The following SCIN variants were observed in gnomAD, a reference collection of about 807,000 sequenced individuals.
SCIN encodes scinderin.
A neutral mutation model predicts 91.8 loss-of-function variants in SCIN; 91 were observed. The observed-to-expected ratio is 0.99, with a 90% confidence interval of 0.84 to 1.18. SCIN has a LOEUF of 1.18. SCIN is among the 50% of genes most tolerant of loss of function. SCIN has a pLI of 0.00. For missense variants in SCIN, 1,087 were observed against 863.9 expected, an observed-to-expected ratio of 1.26 and a Z score of -3.24; for synonymous variants, 367 against 312.6, an observed-to-expected ratio of 1.17 and a Z score of -1.84.
chr7:12,646,775 A>C (rs1783974186), intron 13 of SCIN, among the ~76,000 whole-genome samples: 1 of 152,196 alleles, frequency 6.6e-6, no homozygotes, highest in Admixed American at 6.5e-5. Flanking sequence ...CAGGAAAGAA[A>C]ATTTCCCACG....
At chr7:12,580,914 T>C (rs1782474119) in intron 2 of SCIN, 146 bp from the exon 3 acceptor site, 2 of 658,714 alleles carry the variant, frequency 3.0e-6, no homozygotes, top group Admixed American at 3.0e-5. Flanking sequence ...TCTTGTTTTA[T>C]GGAATAGGTG....
chr7:12,593,926 A>G (rs1324042985), intron 3 of SCIN, among the ~76,000 whole-genome samples: 3 of 152,236 alleles, frequency 2.0e-5, no homozygotes, highest in Non-Finnish European at 4.4e-5. Flanking sequence ...GATCATGCCA[A>G]GTGAGTTCAT....
At position 12,578,103 on chromosome 7, in the gene SCIN, T is replaced by C. The variant is rs1453727399; in HGVS notation, c.239T>C (p.Ile80Thr). 9 of 1,548,274 alleles carry C rather than the reference T, an allele frequency of 5.8e-6. No individual in the cohort carries two copies. The highest frequency in any genetic ancestry group is 7.0e-6 in the Non-Finnish European group (8 of 1,145,354). ...CAGGATGAAAGCACAGCTGCTGCCA[T>C]CTTCACTGTTCAGATGGATGACTAT... ...CSQDESTAAA[I>T]FTVQMDDYLG... The change falls in exon 2 of 16, where the codon ATC (isoleucine) becomes ACC (threonine). Residue 80 changes from isoleucine (I) to threonine (T), a missense_variant. Ile to Thr is a moderately conservative substitution (Grantham distance 89, BLOSUM62 -1). Coordinates refer to ENST00000297029, the MANE Select transcript of SCIN (RefSeq NM_001112706.3).
intron 3 of SCIN, among the ~76,000 whole-genome samples, chr7:12,583,144 A>G (rs1423162975): frequency 6.6e-6 from 1 of 152,150 alleles, no homozygotes; most frequent in Non-Finnish European, 1.5e-5. Flanking sequence ...ATATAATGTA[A>G]TTGCTATGTA....
Position 12,655,365 on chromosome 7 carries a change from G to C in SCIN, c.*2650G>C, listed in dbSNP as rs1002259204. 1 of 152,068 alleles carries C rather than the reference G, an allele frequency of 6.6e-6. No homozygotes were observed. Among genetic ancestry groups the C allele is most frequent in the African/African-American group, 2.4e-5 (1 of 41,418 alleles). 9.4% of individuals were successfully genotyped at this position (152,068 alleles called of 1,614,324 possible). A position where few individuals can be genotyped will look rare whatever the true frequency, so the allele number is the denominator to read the frequency against. ...TTAATATGTAATACATACAGCTAATGTTATAGCTACTTAAGGAATTCCTTT... is the reference window on the plus strand; with the variant it reads ...TTAATATGTAATACATACAGCTAATCTTATAGCTACTTAAGGAATTCCTTT... On this transcript the variant is annotated 3_prime_UTR_variant, in exon 16 of 16. Coordinates refer to ENST00000297029, the MANE Select transcript of SCIN (RefSeq NM_001112706.3).
intron 4 of SCIN, among the ~76,000 whole-genome samples, chr7:12,605,495 A>T (rs1783062014): frequency 6.6e-6 from 1 of 152,232 alleles, no homozygotes. Flanking sequence ...GTATATACAA[A>T]ATGATATATC....
intron 4 of SCIN, among the ~76,000 whole-genome samples, chr7:12,612,008 T>C (rs74454100): frequency 0.02 from 3,090 of 152,308 alleles, 52 homozygotes; most frequent in Non-Finnish European, 0.033. Context: ...TATTTTTCTG[T>C]TGCCCTCCTA....
rs144248090 is a variant in SCIN, at chr7:12,652,924, G to A, written c.*209G>A. On this transcript the variant is annotated 3_prime_UTR_variant, in exon 16 of 16. Transcript: ENST00000297029. ...TCGAGACCAGCCTGGCCAACATGGC[G>A]AAACCTCGCCTCTACTAAAAATACA... 1,557 of 493,068 alleles carry A rather than the reference G, an allele frequency of 3.2e-3. 24 individuals are homozygous for A. Among genetic ancestry groups the A allele is most frequent in the African/African-American group, 0.029 (1,417 of 48,626 alleles). The allele number at this position is 493,068 out of a possible 1,614,324, so 30.5% of individuals were successfully genotyped here.
rs1473260493 is a variant in SCIN at position 12,659,557 on chromosome 7, G to C, written c.*6842G>C. On this transcript the variant is annotated 3_prime_UTR_variant, in exon 16 of 16. Transcript: ENST00000297029. ...ATGAAGGAAATAAGTTGCAGGATAA[G>C]TATATCCATGGTCATCCAGGGGAAG... 3 of 152,218 alleles carry C rather than the reference G, an allele frequency of 2.0e-5. No homozygotes were observed. In the East Asian group the frequency reaches 5.8e-4, roughly 29 times the overall value. 9.4% of individuals were successfully genotyped at this position (152,218 alleles called of 1,614,324 possible). A position where few individuals can be genotyped will look rare whatever the true frequency, so the allele number is the denominator to read the frequency against.
rs774498088 is a variant in SCIN, at chr7:12,622,802, T to C, written c.668T>C (p.Val223Ala). The C allele has an allele frequency of 7.4e-6, 12 of 1,611,952 alleles. No individual in the cohort carries two copies. Among genetic ancestry groups the C allele is most frequent in the Non-Finnish European group, 1.0e-5 (12 of 1,178,526 alleles). ...CATCCACTGCTCACTTTTTTCCAGG[T>C]CTTAGGGGAAAAGCCAGAGCTTCCA... ...EGSEPSELIK[V>A]LGEKPELPDG... Residue 223 changes from valine (V) to alanine (A), a missense_variant and splice_region_variant, in exon 5 of 16, where the codon GTC becomes GCC. Transcript: ENST00000297029.
intron 3 of SCIN, among the ~76,000 whole-genome samples, chr7:12,597,473 A>T (rs573531714): frequency 2.3e-4 from 35 of 152,356 alleles, no homozygotes; most frequent in African/African-American, 8.2e-4. Context: ...TTGAGTCAAC[A>T]TCGCATAGGC....
At chr7:12,577,024 T>A (rs1562592877) in intron 1 of SCIN, among the ~76,000 whole-genome samples, 1 of 152,228 alleles carries the variant, frequency 6.6e-6, no homozygotes, top group African/African-American at 2.4e-5. Context: ...TTATGTACAC[T>A]ACAGACACTG....
intron 11 of SCIN, among the ~76,000 whole-genome samples, chr7:12,642,317 G>T (rs569472891): frequency 3.6e-4 from 55 of 151,876 alleles, no homozygotes; most frequent in Admixed American, 1.5e-3. Flanking sequence ...CATCATGATT[G>T]CAGGCAGTAA....
intron 3 of SCIN, among the ~76,000 whole-genome samples, chr7:12,594,287 T>C (rs1202602680): frequency 1.7e-4 from 26 of 151,002 alleles, no homozygotes; most frequent in Non-Finnish European, 4.4e-5. Context: ...ATCCACGGGG[T>C]CAAAGGAAGA....
At chr7:12,628,586 T>C (rs1783577973) in intron 8 of SCIN, among the ~76,000 whole-genome samples, 1 of 152,114 alleles carries the variant, frequency 6.6e-6, no homozygotes, top group Admixed American at 6.5e-5. Flanking sequence ...ACACTGGAGG[T>C]TAGGATTTCA....
intron 13 of SCIN, among the ~76,000 whole-genome samples, chr7:12,647,272 T>C (rs1448259321): frequency 1.3e-5 from 2 of 152,230 alleles, no homozygotes; most frequent in Non-Finnish European, 2.9e-5. Context: ...CATTTTCTTG[T>C]TTGATATTTG....
intron 5 of SCIN, among the ~76,000 whole-genome samples, 154 bp from the exon 6 acceptor site, chr7:12,624,856 T>G (rs1359090797): frequency 6.6e-6 from 1 of 152,218 alleles, no homozygotes; most frequent in Non-Finnish European, 1.5e-5. Context: ...GAGATATAAT[T>G]TATACACCAT....
chr7:12,583,823 A>G (rs956382521), intron 3 of SCIN, among the ~76,000 whole-genome samples: 2 of 152,132 alleles, frequency 1.3e-5, no homozygotes, highest in East Asian at 3.9e-4. Context: ...ATAAGGTTCC[A>G]GGGCATTCAT....
intron 4 of SCIN, chr7:12,611,205 T>C (rs1170389856): frequency 1.3e-5 from 2 of 152,236 alleles, no homozygotes; most frequent in Non-Finnish European, 2.9e-5. Context: ...TACTGAGTCA[T>C]CTAGTACATT....
Sources: allele counts gnomAD v4.1 joint callset (sites outside exome capture counted in the v4.1 genomes callset), GRCh38; gene constraint gnomAD v4.1.1; transcripts MANE v1.5; gene names NCBI Gene and HGNC (gene_info 2026-07-23, HGNC 2026-07-21).